MTCH2: variants seen among roughly 807,000 people sequenced by gnomAD.
MTCH2 encodes mitochondrial carrier homolog 2.
MTCH2 carries 25 observed loss-of-function variants against 50.6 expected under a neutral mutation model. The ratio of observed to expected loss-of-function variants is 0.49; its 90% CI spans 0.36 to 0.69. The LOEUF (loss-of-function observed/expected upper bound fraction) is 0.69, where lower values mean the gene tolerates loss of function less well. Among genes scored for constraint, MTCH2 ranks in the 30% least tolerant of loss-of-function variants. The probability of loss-of-function intolerance (pLI) is 0.00; values close to 1 mark genes in which losing one functional copy is unlikely to be tolerated. For synonymous variants in MTCH2, 106 were observed against 132.0 expected (o/e 0.80, Z 1.35); for missense variants, 273 against 384.4 (o/e 0.71, Z 2.42).
the MTCH2 span, among the ~76,000 whole-genome samples, chr11:47,606,047 G>A: frequency 3.3e-5 from 5 of 152,198 alleles, no homozygotes; most frequent in African/African-American, 1.2e-4. Flanking sequence ...CCAGGACTGT[G>A]GCCCCTGTCC....
intron 6 of MTCH2, 108 bp from the exon 7 acceptor site, chr11:47,631,195 G>C (rs986759387): frequency 4.9e-6 from 4 of 824,468 alleles, no homozygotes; most frequent in African/African-American, 1.7e-5. Flanking sequence ...GATCACCTGA[G>C]GTCAGGAGTT....
chr11:47,607,684 G>A, the MTCH2 span, among the ~76,000 whole-genome samples: 1 of 152,216 alleles, frequency 6.6e-6, no homozygotes, highest in Admixed American at 6.5e-5. Context: ...AAGAAGCCAT[G>A]TGAGTGGAGC....
At chr11:47,639,736 G>A (rs897184632) in intron 1 of MTCH2, among the ~76,000 whole-genome samples, 3 of 152,228 alleles carry the variant, frequency 2.0e-5, no homozygotes, top group East Asian at 1.9e-4. Flanking sequence ...TACTTGGGAG[G>A]CTGAGGCAGG....
At chr11:47,609,922 A>G in the MTCH2 span, among the ~76,000 whole-genome samples, 19 of 152,356 alleles carry the variant, frequency 1.2e-4, no homozygotes, top group East Asian at 3.5e-3. Flanking sequence ...CTGAGAATCC[A>G]GCAGTGATTT....
At chr11:47,604,986 A>C in the MTCH2 span, among the ~76,000 whole-genome samples, 1 of 151,620 alleles carries the variant, frequency 6.6e-6, no homozygotes, top group Non-Finnish European at 1.5e-5. Flanking sequence ...GCTGGAGTGC[A>C]GTGGCGAGAT....
At position 47,627,077 on chromosome 11, in the gene MTCH2, C is replaced by T; in HGVS notation, c.681+3G>A. ...AAGGTTAAAAGGATTTTAAAAAACTCACTCCTGTGACAGCTTGAGAATAAC... is the reference window on the plus strand; with the variant it reads ...AAGGTTAAAAGGATTTTAAAAAACTTACTCCTGTGACAGCTTGAGAATAAC... On this transcript the variant is annotated splice_donor_region_variant and intron_variant, in intron 10 of 12. Transcript: ENST00000302503. 6.3e-7 allele frequency: 1 copy of T among 1,588,416 alleles called. No individual in the cohort carries two copies. Among genetic ancestry groups the T allele is most frequent in the Non-Finnish European group, 8.6e-7 (1 of 1,165,190 alleles).
At chr11:47,636,958 T>C (rs2097309217) in intron 3 of MTCH2, among the ~76,000 whole-genome samples, 1 of 51,026 alleles carries the variant, frequency 2.0e-5, no homozygotes, top group South Asian at 1.1e-3. Context: ...ATTCAAGAAC[T>C]CTGTTTTTTT....
intron 10 of MTCH2, among the ~76,000 whole-genome samples, chr11:47,625,997 G>A (rs990628257): frequency 5.9e-5 from 9 of 151,828 alleles, no homozygotes; most frequent in Admixed American, 1.3e-4. Context: ...ATAGGCGCAC[G>A]CCACCATACC....
At chr11:47,629,903 T>G (rs1221143576) in intron 8 of MTCH2, among the ~76,000 whole-genome samples, 2 of 152,084 alleles carry the variant, frequency 1.3e-5, no homozygotes, top group African/African-American at 4.8e-5. Flanking sequence ...GTTAAGATGA[T>G]TTCCCCATTT....
chr11:47,610,568 G>T, the MTCH2 span, among the ~76,000 whole-genome samples: 1 of 152,214 alleles, frequency 6.6e-6, no homozygotes, highest in African/African-American at 2.4e-5. Context: ...AGCCGGGTGT[G>T]ATGGCACGTG....
At chr11:47,637,166 T>A (rs1303747900) in intron 3 of MTCH2, among the ~76,000 whole-genome samples, 1 of 152,060 alleles carries the variant, frequency 6.6e-6, no homozygotes, top group Non-Finnish European at 1.5e-5. Flanking sequence ...ACATCTGTAT[T>A]TTTAGTAGAG....
rs1157716835 is a variant in MTCH2, at chr11:47,638,761, C to G, written c.217G>C (p.Gly73Arg). Residue 73 changes from glycine to arginine, a missense_variant, in exon 3 of 13, where the codon GGC (glycine) becomes CGC (arginine). Physicochemically the swap from Gly to Arg is moderately radical, Grantham distance 125. Around this residue, in one of 2 missense-constraint regions of MTCH2, gnomAD observed 203 missense variants for 244.3 expected, o/e 0.83. Coordinates refer to ENST00000302503, the MANE Select transcript of MTCH2 (RefSeq NM_014342.4). Reference protein sequence around the residue: ...SIDGRRGLFTGLTPRLCSGVL... With the variant: ...SIDGRRGLFTRLTPRLCSGVL... ...CCCGAACACAGTCTTGGAGTTAAGC[C>G]TGTGAACAACCCGCGCCTCCCATCG... 5.6e-6 allele frequency: 9 copies of G among 1,614,280 alleles called. No individual in the cohort carries two copies. Among genetic ancestry groups the G allele is most frequent in the Non-Finnish European group, 7.6e-6 (9 of 1,180,056 alleles).
At position 47,631,676 on chromosome 11, in the gene MTCH2, G is replaced by T. The variant is rs752980443; in HGVS notation, c.405C>A (p.Thr135=). The T allele has an allele frequency of 6.2e-7, 1 of 1,614,048 alleles. No homozygotes were observed. The highest frequency in any genetic ancestry group is 8.5e-7 in the Non-Finnish European group (1 of 1,180,006). ...TACCATGGAAGGGATGTGTGATGAG[G>T]GTAGCAGCAGAACGAGCGATCATCT... ...TREMIARSAA[T]LITHPFHVIT... is the part of the protein sequence containing the mutation. Residue 135 remains threonine (T), a synonymous_variant, in exon 6 of 13, where the codon ACC becomes ACA. Transcript: ENST00000302503.
chr11:47,631,700 C>G lies in MTCH2; in HGVS notation c.381G>C (p.Glu127Asp). ...GGGTAGCAGCAGAACGAGCGATCAT[C>G]TCTCGAGTTGTCTAGAAACAATCAA... ...FDHVIKETTR[E>D]MIARSAATLI... Residue 127 changes from glutamate to aspartate, a missense_variant, in exon 6 of 13, where the codon GAG (glutamate) becomes GAC (aspartate). This residue lies in a region of MTCH2 where 203 missense variants were observed against 244.3 expected (regional missense o/e 0.83). Coordinates refer to ENST00000302503, the MANE Select transcript of MTCH2 (RefSeq NM_014342.4). The G allele has an allele frequency of 6.2e-7, 1 of 1,614,102 alleles. No homozygotes were observed. The highest frequency in any genetic ancestry group is 8.5e-7 in the Non-Finnish European group (1 of 1,180,002).
chr11:47,641,756 G>T (rs1176322655), intron 1 of MTCH2, among the ~76,000 whole-genome samples: 1 of 152,294 alleles, frequency 6.6e-6, no homozygotes, highest in East Asian at 1.9e-4. Context: ...AGCCACATGG[G>T]CCGCTGCTGG....
rs754466201 is a variant in MTCH2, at chr11:47,628,982, G to C, written c.604C>G (p.Leu202Val). 2 of 1,613,966 alleles carry C rather than the reference G, an allele frequency of 1.2e-6. No homozygotes were observed. Residue 202 changes from leucine (L) to valine (V), a missense_variant, in exon 9 of 13, where the codon CTC becomes GTC. By Grantham distance (32) the Leu-to-Val change is conservative (BLOSUM62 1). Around this residue, in one of 2 missense-constraint regions of MTCH2, gnomAD observed 70 missense variants for 140.1 expected, o/e 0.50. Coordinates refer to ENST00000302503, the MANE Select transcript of MTCH2 (RefSeq NM_014342.4). ...CTGTCCAGTGCATAGGTATTGACGAGGTAGGCCAGTGAGTTACACAGCCAC... is the reference window on the plus strand; with the variant it reads ...CTGTCCAGTGCATAGGTATTGACGACGTAGGCCAGTGAGTTACACAGCCAC... ...SLWLCNSLAY[L>V]VNTYALDSGV...
At chr11:47,630,729 C>G (rs1302361892) in intron 7 of MTCH2, 115 bp from the exon 8 acceptor site, 4 of 953,168 alleles carry the variant, frequency 4.2e-6, no homozygotes, top group Non-Finnish European at 6.4e-6. Flanking sequence ...TTCCCTCACA[C>G]TTTTCTAGCA....
chr11:47,605,082 C>T, the MTCH2 span, among the ~76,000 whole-genome samples: 1 of 152,260 alleles, frequency 6.6e-6, no homozygotes, highest in Admixed American at 6.5e-5. Context: ...AGGCGCCTGC[C>T]ACCACGCCTG....
the MTCH2 span, among the ~76,000 whole-genome samples, chr11:47,612,255 A>G: frequency 6.6e-6 from 1 of 152,122 alleles, no homozygotes; most frequent in South Asian, 2.1e-4. Context: ...GTCTCTACTA[A>G]AAATACAAAA....
Sources: allele counts gnomAD v4.1 joint callset (sites outside exome capture counted in the v4.1 genomes callset), GRCh38; gene constraint gnomAD v4.1.1; regional missense constraint gnomAD v4.1.1; transcripts MANE v1.5; gene names NCBI Gene and HGNC (gene_info 2026-07-23, HGNC 2026-07-21).